ROBO1: variants seen among roughly 807,000 people sequenced by gnomAD.
ROBO1 encodes the protein roundabout guidance receptor 1, also known as roundabout homolog 1.
ROBO1 carries 149 observed loss-of-function variants against 195.9 expected under a neutral mutation model. That is an observed-to-expected ratio of 0.76 (90% confidence interval 0.67 to 0.87). ROBO1 has a LOEUF of 0.87. ROBO1 is among the 40% of genes least tolerant of loss of function. ROBO1 has a pLI of 0.00. For synonymous variants in ROBO1, 816 were observed against 733.2 expected (o/e 1.11, Z -1.82); for missense variants, 1,933 against 2,068.3 (o/e 0.93, Z 1.27).
intron 3 of ROBO1, chr3:79,018,832 G>GC (rs1165406820): frequency 9.9e-7 from 1 of 1,012,268 alleles, no homozygotes; most frequent in African/African-American, 1.7e-5. Flanking sequence ...GTGCGGCCGA[G>GC]CGCCGCTGCG....
intron 4 of ROBO1, among the ~76,000 whole-genome samples, chr3:78,860,321 T>A (rs1180050208): frequency 6.9e-5 from 5 of 72,272 alleles, no homozygotes; most frequent in Admixed American, 2.9e-4. Flanking sequence ...TATATATATA[T>A]ATATATTTTT....
At chr3:78,934,150 A>C (rs747636491) in intron 4 of ROBO1, among the ~76,000 whole-genome samples, 14 of 151,962 alleles carry the variant, frequency 9.2e-5, no homozygotes, top group Non-Finnish European at 2.1e-4. Context: ...ACCATAATGG[A>C]AGTAAAGAGA....
At chr3:79,596,797 G>C (rs1944185970) in intron 1 of ROBO1, among the ~76,000 whole-genome samples, 1 of 151,868 alleles carries the variant, frequency 6.6e-6, no homozygotes, top group African/African-American at 2.4e-5. Flanking sequence ...TAAATTCCAG[G>C]CTTTTTCTTG....
intron 1 of ROBO1, among the ~76,000 whole-genome samples, chr3:79,677,332 T>C (rs556339564): frequency 1.3e-4 from 20 of 152,088 alleles, no homozygotes; most frequent in Non-Finnish European, 2.5e-4. Flanking sequence ...TAGCTGAGAC[T>C]GGGCAATTTA....
intron 2 of ROBO1, among the ~76,000 whole-genome samples, chr3:79,573,285 C>A (rs1943342370): frequency 6.6e-6 from 1 of 152,080 alleles, no homozygotes; most frequent in Non-Finnish European, 1.5e-5. Flanking sequence ...CTCCTGGGAT[C>A]AAGCAATCCT....
chr3:79,615,883 G>A (rs1189985277), intron 1 of ROBO1, among the ~76,000 whole-genome samples: 3 of 152,182 alleles, frequency 2.0e-5, no homozygotes, highest in Admixed American at 2.0e-4. Flanking sequence ...CAACATGGCA[G>A]ACTAGAGATG....
chr3:79,423,452 A>C (rs2038314332), intron 2 of ROBO1, among the ~76,000 whole-genome samples: 1 of 152,130 alleles, frequency 6.6e-6, no homozygotes, highest in Non-Finnish European at 1.5e-5. Context: ...GTGAAATCTC[A>C]AGCGACAGCT....
At chr3:78,778,382 T>C (rs184097290) in intron 4 of ROBO1, among the ~76,000 whole-genome samples, 134 of 152,282 alleles carry the variant, frequency 8.8e-4, no homozygotes, top group African/African-American at 2.8e-3. Context: ...TCTTTTTCTA[T>C]TGTTTGGAAT....
At chr3:79,682,103 A>T (rs966573262) in intron 1 of ROBO1, among the ~76,000 whole-genome samples, 2 of 151,996 alleles carry the variant, frequency 1.3e-5, no homozygotes, top group African/African-American at 4.8e-5. Flanking sequence ...GTTTCTATCC[A>T]ATAAATACAA....
intron 2 of ROBO1, among the ~76,000 whole-genome samples, chr3:79,425,294 C>T (rs1039352519): frequency 3.9e-5 from 6 of 152,190 alleles, no homozygotes; most frequent in Admixed American, 1.3e-4. Flanking sequence ...ACCAATTGAA[C>T]GGCAATTTAT....
intron 4 of ROBO1, among the ~76,000 whole-genome samples, chr3:78,921,254 T>C (rs2038925480): frequency 6.6e-6 from 1 of 151,976 alleles, no homozygotes; most frequent in African/African-American, 2.4e-5. Flanking sequence ...ATAAAATAGA[T>C]ATAAATTAAT....
intron 3 of ROBO1, among the ~76,000 whole-genome samples, chr3:79,065,721 G>T (rs1457194766): frequency 6.6e-6 from 1 of 151,830 alleles, no homozygotes; most frequent in Non-Finnish European, 1.5e-5. Flanking sequence ...CATTTAAAAG[G>T]TCTAGTTAGT....
At chr3:78,710,923 T>C (rs972757710) in intron 8 of ROBO1, among the ~76,000 whole-genome samples, 8 of 152,320 alleles carry the variant, frequency 5.3e-5, no homozygotes, top group African/African-American at 1.7e-4. Flanking sequence ...CTAAATTGGA[T>C]TTTCTACAGG....
intron 2 of ROBO1, among the ~76,000 whole-genome samples, chr3:79,289,439 A>G (rs1412102403): frequency 6.6e-6 from 1 of 152,172 alleles, no homozygotes; most frequent in Non-Finnish European, 1.5e-5. Flanking sequence ...TGAGAATTTC[A>G]TTAGTGGAGG....
intron 1 of ROBO1, among the ~76,000 whole-genome samples, chr3:79,637,928 A>T (rs984434446): frequency 6.6e-6 from 1 of 152,122 alleles, no homozygotes; most frequent in Non-Finnish European, 1.5e-5. Flanking sequence ...TAATTTTTTT[A>T]TATGGATGGT....
intron 2 of ROBO1, among the ~76,000 whole-genome samples, chr3:79,481,285 C>A (rs1369476726): frequency 1.3e-5 from 2 of 152,032 alleles, no homozygotes; most frequent in Non-Finnish European, 2.9e-5. Flanking sequence ...TAGAATGGAG[C>A]TCAGCTGAAT....
chr3:79,068,655 C>T (rs534683379), intron 3 of ROBO1, among the ~76,000 whole-genome samples: 1 of 151,914 alleles, frequency 6.6e-6, no homozygotes, highest in South Asian at 2.1e-4. Context: ...TTGCTCTCTT[C>T]TCTGTTTATT....
chr3:79,693,722 GCCACTGTGC>G (rs1355850986), intron 1 of ROBO1, among the ~76,000 whole-genome samples: 2 of 151,706 alleles, frequency 1.3e-5, no homozygotes, highest in Non-Finnish European at 2.9e-5. Flanking sequence ...ATAGGTGTGA[GCCACTGTGC>G]CCAACCCTGA....
At chr3:78,806,416 G>C (rs1385034349) in intron 4 of ROBO1, among the ~76,000 whole-genome samples, 3 of 152,322 alleles carry the variant, frequency 2.0e-5, no homozygotes, top group African/African-American at 7.2e-5. Flanking sequence ...TGAGGGGAAA[G>C]AGTTGGGATA....
Sources: allele counts gnomAD v4.1 joint callset (sites outside exome capture counted in the v4.1 genomes callset), GRCh38; gene constraint gnomAD v4.1.1; transcripts MANE v1.5; gene names NCBI Gene and HGNC (gene_info 2026-07-23, HGNC 2026-07-21).